GALNTL6: variants seen among roughly 807,000 people sequenced by gnomAD.
GALNTL6 encodes the protein polypeptide N-acetylgalactosaminyltransferase like 6, also known as polypeptide N-acetylgalactosaminyltransferase-like 6.
In GALNTL6, 46 loss-of-function variants were observed where a neutral mutation model predicts 73.7. The observed-to-expected ratio is 0.62, with a 90% confidence interval of 0.49 to 0.80. GALNTL6 has a LOEUF of 0.80. GALNTL6 is among the 30% of genes least tolerant of loss of function. The probability of loss-of-function intolerance (pLI) is 0.00; values close to 1 mark genes in which losing one functional copy is unlikely to be tolerated. For missense variants in GALNTL6, 604 were observed against 755.0 expected (o/e 0.80, Z 2.34); for synonymous variants, 259 against 263.7 (o/e 0.98, Z 0.17).
intron 5 of GALNTL6, among the ~76,000 whole-genome samples, chr4:172,587,916 T>A (rs1737478779): frequency 1.3e-5 from 2 of 152,220 alleles, no homozygotes; most frequent in Non-Finnish European, 2.9e-5. Flanking sequence ...TTGAAAATTA[T>A]AATTATCCAA....
intron 10 of GALNTL6, among the ~76,000 whole-genome samples, chr4:172,972,893 A>G (rs1579727882): frequency 6.6e-6 from 1 of 152,306 alleles, no homozygotes; most frequent in Non-Finnish European, 1.5e-5. Flanking sequence ...GTTAGGAGAG[A>G]AAGAAAAATA....
intron 2 of GALNTL6, among the ~76,000 whole-genome samples, chr4:172,096,848 T>C (rs1457277962): frequency 6.6e-6 from 1 of 152,196 alleles, no homozygotes; most frequent in East Asian, 1.9e-4. Context: ...CATAAAAGGA[T>C]CACACGCTGG....
chr4:172,264,552 C>G (rs1178009992), intron 3 of GALNTL6, among the ~76,000 whole-genome samples: 1 of 31,114 alleles, frequency 3.2e-5, no homozygotes, highest in African/African-American at 1.0e-4. Flanking sequence ...ATAATATATG[C>G]CAAATATATA....
chr4:171,990,823 C>A (rs1264947452), intron 2 of GALNTL6, among the ~76,000 whole-genome samples: 2 of 152,130 alleles, frequency 1.3e-5, no homozygotes, highest in African/African-American at 2.4e-5. Context: ...ATGATATCTA[C>A]TGGAAATTTG....
chr4:171,897,201 C>T (rs559750437), intron 2 of GALNTL6, among the ~76,000 whole-genome samples: 2 of 152,194 alleles, frequency 1.3e-5, no homozygotes, highest in South Asian at 2.1e-4. Context: ...TGACTCTTGT[C>T]AGGGGTGACA....
chr4:172,599,872 G>A (rs4695878), intron 5 of GALNTL6, among the ~76,000 whole-genome samples: 69,668 of 151,912 alleles, frequency 0.46, 17,767 homozygotes, highest in East Asian at 0.68. Flanking sequence ...CTCTCATCCA[G>A]ATTGCCAGCT....
At chr4:172,384,132 T>C (rs1383350910) in intron 5 of GALNTL6, among the ~76,000 whole-genome samples, 1 of 152,146 alleles carries the variant, frequency 6.6e-6, no homozygotes, top group African/African-American at 2.4e-5. Flanking sequence ...TTGAAAGTGT[T>C]CCTTCCTCTT....
At chr4:172,569,494 A>G (rs1015467495) in intron 5 of GALNTL6, among the ~76,000 whole-genome samples, 4 of 152,204 alleles carry the variant, frequency 2.6e-5, no homozygotes, top group African/African-American at 9.6e-5. Context: ...CGTGAAAATG[A>G]TGAGGAAAAA....
rs201282467 is a variant in GALNTL6, at chr4:172,930,278, CA to C, written c.1042-871del. On this transcript the variant is annotated intron_variant, in intron 8 of 12. Coordinates refer to ENST00000506823, the MANE Select transcript of GALNTL6 (RefSeq NM_001034845.3). ...AGGCAACAAGAGTGAAACTCCATCT[CA>C]AAAAAAAAAAAGTACAGCATCTTAA... Among the ~76,000 whole-genome samples the C allele has an allele frequency of 8.8e-3, 1,199 of 135,598 alleles. 11 individuals are homozygous for C. The highest frequency in any genetic ancestry group is 0.029 in the African/African-American group (1,070 of 37,036). The allele number at this position is 135,598 out of a possible 152,430, so 89.0% of individuals were successfully genotyped here.
At chr4:172,020,388 A>G (rs962047674) in intron 2 of GALNTL6, among the ~76,000 whole-genome samples, 1 of 150,852 alleles carries the variant, frequency 6.6e-6, no homozygotes, top group African/African-American at 2.4e-5. Context: ...TTTTTTTTTG[A>G]AAAGTTAAAC....
intron 2 of GALNTL6, among the ~76,000 whole-genome samples, chr4:171,943,613 A>G (rs1054498944): frequency 1.3e-5 from 2 of 152,160 alleles, no homozygotes; most frequent in African/African-American, 4.8e-5. Context: ...ATGTTATTGT[A>G]AAAGATCTTT....
At chr4:172,569,946 G>C (rs1736699876) in intron 5 of GALNTL6, among the ~76,000 whole-genome samples, 1 of 152,200 alleles carries the variant, frequency 6.6e-6, no homozygotes, top group African/African-American at 2.4e-5. Flanking sequence ...CAGATGCCAA[G>C]ATGTGAATAA....
At chr4:172,427,580 A>G (rs1193654388) in intron 5 of GALNTL6, among the ~76,000 whole-genome samples, 3 of 152,202 alleles carry the variant, frequency 2.0e-5, no homozygotes, top group Admixed American at 2.0e-4. Flanking sequence ...ATTGTGCTCA[A>G]TAATGTTAGG....
intron 5 of GALNTL6, among the ~76,000 whole-genome samples, chr4:172,580,041 CA>C (rs2110970582): frequency 1.3e-5 from 2 of 152,194 alleles, no homozygotes; most frequent in East Asian, 3.9e-4. Context: ...GATGATAGGA[CA>C]CCCAAAAACC....
intron 8 of GALNTL6, among the ~76,000 whole-genome samples, chr4:172,893,006 C>A (rs1175785538): frequency 6.6e-6 from 1 of 152,188 alleles, no homozygotes; most frequent in Non-Finnish European, 1.5e-5. Context: ...GATGCCCAGG[C>A]AGGACAGTAA....
At chr4:171,843,167 AT>A (rs1735284073) in intron 2 of GALNTL6, among the ~76,000 whole-genome samples, 1 of 152,106 alleles carries the variant, frequency 6.6e-6, no homozygotes, top group Non-Finnish European at 1.5e-5. Flanking sequence ...TTTATGCTAA[AT>A]TTCTTGGTAG....
At chr4:172,738,846 G>A (rs1266036228) in intron 5 of GALNTL6, among the ~76,000 whole-genome samples, 1 of 152,160 alleles carries the variant, frequency 6.6e-6, no homozygotes, top group African/African-American at 2.4e-5. Context: ...TGGGTCGGGG[G>A]AGTGGTGCTT....
chr4:172,064,971 T>C (rs1248956095), intron 2 of GALNTL6, among the ~76,000 whole-genome samples: 1 of 152,178 alleles, frequency 6.6e-6, no homozygotes, highest in African/African-American at 2.4e-5. Flanking sequence ...CATGCTGTTA[T>C]GTTAAAAGTA....
At chr4:172,304,460 T>A (rs1431708314) in intron 3 of GALNTL6, among the ~76,000 whole-genome samples, 1 of 151,408 alleles carries the variant, frequency 6.6e-6, no homozygotes, top group Non-Finnish European at 1.5e-5. Flanking sequence ...TAGGTCCTGA[T>A]GTCCTGGGTA....
Sources: allele counts gnomAD v4.1 joint callset (sites outside exome capture counted in the v4.1 genomes callset), GRCh38; gene constraint gnomAD v4.1.1; transcripts MANE v1.5; gene names NCBI Gene and HGNC (gene_info 2026-07-23, HGNC 2026-07-21).